The following SBF2 variants were observed in gnomAD, a reference collection of about 807,000 sequenced individuals.
SBF2 encodes the protein SET binding factor 2.
In SBF2, 112 loss-of-function variants were observed where a neutral mutation model predicts 225.2. The observed-to-expected ratio is 0.50, with a 90% CI of 0.43 to 0.58. The LOEUF (loss-of-function observed/expected upper bound fraction) is 0.58, where lower values mean the gene tolerates loss of function less well. SBF2 is among the 20% of genes least tolerant of loss of function. SBF2 has a pLI of 0.00. For missense variants in SBF2, 1,996 were observed against 2,206.2 expected (o/e 0.90, Z 1.91); for synonymous variants, 763 against 773.3 (o/e 0.99, Z 0.22).
chr11:10,002,532 T>C (rs1388811804), intron 7 of SBF2, 25 bp downstream of exon 7: 1 of 1,574,818 alleles, frequency 6.3e-7, no homozygotes, highest in Non-Finnish European at 8.7e-7. Context: ...TAGGAATAAA[T>C]AAAATTAACA....
chr11:9,833,474 G>T (rs531601344), intron 26 of SBF2, among the ~76,000 whole-genome samples: 111 of 145,018 alleles, frequency 7.7e-4, no homozygotes, highest in Non-Finnish European at 1.3e-3. Context: ...AGGCTGGAGT[G>T]CAGTGGCACG....
chr11:10,194,984 A>C (rs1461458852), intron 1 of SBF2, among the ~76,000 whole-genome samples: 1 of 152,238 alleles, frequency 6.6e-6, no homozygotes, highest in Admixed American at 6.5e-5. Flanking sequence ...AATAATTTCA[A>C]GTAACAAATG....
intron 29 of SBF2, among the ~76,000 whole-genome samples, chr11:9,813,810 C>T (rs1409055143): frequency 1.3e-5 from 2 of 152,026 alleles, no homozygotes; most frequent in Non-Finnish European, 2.9e-5. Context: ...GGCGTGGTGA[C>T]AGGCACCTGT....
intron 28 of SBF2, among the ~76,000 whole-genome samples, chr11:9,826,647 G>T (rs902390454): frequency 4.6e-5 from 7 of 151,674 alleles, no homozygotes; most frequent in African/African-American, 1.7e-4. Context: ...TTTTGGGGAA[G>T]AAATGAGTTT....
chr11:10,262,694 A>G (rs558315803), intron 1 of SBF2, among the ~76,000 whole-genome samples: 21 of 152,368 alleles, frequency 1.4e-4, no homozygotes, highest in Non-Finnish European at 2.5e-4. Flanking sequence ...GTAAATACAT[A>G]GATGTATATG....
chr11:9,892,788 A>C (rs1042442704), intron 17 of SBF2, among the ~76,000 whole-genome samples: 5 of 151,742 alleles, frequency 3.3e-5, no homozygotes, highest in African/African-American at 1.2e-4. Context: ...TCAACTCCCA[A>C]CCTCAGGTGA....
intron 16 of SBF2, among the ~76,000 whole-genome samples, chr11:9,950,281 G>A (rs1865784589): frequency 6.6e-6 from 1 of 152,072 alleles, no homozygotes. Flanking sequence ...AGTGTTTGAT[G>A]GCACACTGTA....
intron 16 of SBF2, among the ~76,000 whole-genome samples, chr11:9,946,023 G>C (rs1865542352): frequency 6.6e-6 from 1 of 152,170 alleles, no homozygotes; most frequent in Non-Finnish European, 1.5e-5. Context: ...AAAGCAGTAA[G>C]AGATTTCTCA....
chr11:9,976,705 C>T (rs533646376), intron 13 of SBF2, among the ~76,000 whole-genome samples: 2 of 152,234 alleles, frequency 1.3e-5, no homozygotes, highest in Admixed American at 1.3e-4. Flanking sequence ...ATTACAAAAA[C>T]TGTACTATGT....
At chr11:10,025,066 G>C (rs899645053) in intron 6 of SBF2, among the ~76,000 whole-genome samples, 1 of 151,862 alleles carries the variant, frequency 6.6e-6, no homozygotes, top group African/African-American at 2.4e-5. Flanking sequence ...TATTGTCTAT[G>C]GTTTCTTTTG....
chr11:10,034,341 C>T (rs1375585776), intron 3 of SBF2, among the ~76,000 whole-genome samples: 1 of 152,108 alleles, frequency 6.6e-6, no homozygotes, highest in African/African-American at 2.4e-5. Flanking sequence ...TAGTACTCAC[C>T]ATATCAATCT....
chr11:10,174,571 A>G (rs1205850195), intron 2 of SBF2, among the ~76,000 whole-genome samples: 2 of 152,212 alleles, frequency 1.3e-5, no homozygotes, highest in African/African-American at 4.8e-5. Flanking sequence ...AATGGAACCA[A>G]GTTGGAAAAC....
At chr11:10,236,011 C>T (rs1290087790) in intron 1 of SBF2, among the ~76,000 whole-genome samples, 2 of 152,148 alleles carry the variant, frequency 1.3e-5, no homozygotes, top group African/African-American at 4.8e-5. Context: ...GTCAAGGCTG[C>T]AGTGAGCCGC....
chr11:9,922,138 C>T (rs1166716522), intron 16 of SBF2, among the ~76,000 whole-genome samples: 1 of 152,028 alleles, frequency 6.6e-6, no homozygotes, highest in South Asian at 2.1e-4. Flanking sequence ...CCTAGCTACT[C>T]AGGAGGCTGA....
At chr11:10,210,804 G>A (rs1428510501) in intron 1 of SBF2, among the ~76,000 whole-genome samples, 1 of 151,978 alleles carries the variant, frequency 6.6e-6, no homozygotes, top group Non-Finnish European at 1.5e-5. Context: ...CCTGAGATCA[G>A]GAGTTAGAGA....
At chr11:9,938,981 T>C (rs1172750564) in intron 16 of SBF2, among the ~76,000 whole-genome samples, 1 of 152,004 alleles carries the variant, frequency 6.6e-6, no homozygotes, top group Non-Finnish European at 1.5e-5. Flanking sequence ...TCTTACAAAA[T>C]GTCAAGAAAA....
intron 6 of SBF2, among the ~76,000 whole-genome samples, chr11:10,014,126 C>G (rs1948555798): frequency 6.6e-6 from 1 of 152,104 alleles, no homozygotes; most frequent in African/African-American, 2.4e-5. Flanking sequence ...AGTCCTGGTT[C>G]TCTTTGGTGA....
At chr11:10,019,088 T>G (rs1438583940) in intron 6 of SBF2, among the ~76,000 whole-genome samples, 4 of 152,206 alleles carry the variant, frequency 2.6e-5, no homozygotes, top group Admixed American at 2.6e-4. Context: ...AAAGTACATC[T>G]GGGGTAAGAG....
intron 2 of SBF2, among the ~76,000 whole-genome samples, chr11:10,078,427 C>T (rs1951217380): frequency 6.6e-6 from 1 of 152,184 alleles, no homozygotes; most frequent in African/African-American, 2.4e-5. Flanking sequence ...GGCACATATA[C>T]ACCATGGAAT....
Sources: gnomAD v4.1 joint callset for allele counts (sites outside exome capture counted in the v4.1 genomes callset) on GRCh38, gnomAD v4.1.1 for gene constraint, MANE v1.5 for transcripts, NCBI Gene and HGNC (gene_info 2026-07-23, HGNC 2026-07-21) for gene names.